The following LSAMP variants were observed in gnomAD, a reference collection of about 807,000 sequenced individuals.
LSAMP encodes limbic system associated membrane protein, also known as limbic system-associated membrane protein.
A neutral mutation model predicts 38.6 loss-of-function variants in LSAMP; 7 were observed. That is an observed-to-expected ratio of 0.18 (90% CI 0.10 to 0.34). The LOEUF (loss-of-function observed/expected upper bound fraction) is 0.34. Among genes scored for constraint, LSAMP ranks in the 10% least tolerant of loss-of-function variants. The pLI is 1.00. For synonymous variants in LSAMP, 154 were observed against 166.8 expected (o/e 0.92, Z 0.59); for missense variants, 313 against 420.0 (o/e 0.75, Z 2.23).
intron 1 of LSAMP, among the ~76,000 whole-genome samples, chr3:116,427,311 G>A (rs1156400334): frequency 6.6e-6 from 1 of 150,892 alleles, no homozygotes; most frequent in Non-Finnish European, 1.5e-5. Flanking sequence ...TAGTAGAGAC[G>A]GGGTTTCACC....
chr3:116,079,641 A>C (rs1707830141), intron 2 of LSAMP, among the ~76,000 whole-genome samples: 1 of 151,486 alleles, frequency 6.6e-6, no homozygotes, highest in Non-Finnish European at 1.5e-5. Context: ...CAAAAAAAAA[A>C]AAAAAAAAAA....
At chr3:116,416,672 A>G (rs1426303357) in intron 1 of LSAMP, among the ~76,000 whole-genome samples, 1 of 152,122 alleles carries the variant, frequency 6.6e-6, no homozygotes, top group Non-Finnish European at 1.5e-5. Flanking sequence ...ATATGAACCT[A>G]TGAACCCTTC....
At chr3:116,418,341 T>C (rs750009193) in intron 1 of LSAMP, among the ~76,000 whole-genome samples, 33 of 152,210 alleles carry the variant, frequency 2.2e-4, no homozygotes, top group Non-Finnish European at 3.8e-4. Context: ...ACCCAATTTG[T>C]CATCTTTCCC....
chr3:116,201,233 A>G (rs1403423970), intron 1 of LSAMP, among the ~76,000 whole-genome samples: 1 of 152,104 alleles, frequency 6.6e-6, no homozygotes, highest in Non-Finnish European at 1.5e-5. Context: ...GTTAATTGCC[A>G]TTCCTAGCAG....
At chr3:115,823,173 G>A (rs1380294534) in intron 6 of LSAMP, among the ~76,000 whole-genome samples, 1 of 152,198 alleles carries the variant, frequency 6.6e-6, no homozygotes, top group East Asian at 1.9e-4. Flanking sequence ...CTTGGAGAGA[G>A]AACATATGAG....
At chr3:115,928,306 G>A (rs1463885545) in intron 3 of LSAMP, among the ~76,000 whole-genome samples, 1 of 152,008 alleles carries the variant, frequency 6.6e-6, no homozygotes, top group Non-Finnish European at 1.5e-5. Context: ...TTATTCAAAA[G>A]GCTCTTATTT....
chr3:115,965,309 T>C (rs994672117), intron 3 of LSAMP, among the ~76,000 whole-genome samples: 1 of 152,026 alleles, frequency 6.6e-6, no homozygotes, highest in Non-Finnish European at 1.5e-5. Flanking sequence ...GCTGAGACTA[T>C]TAGTTTTTAA....
At chr3:116,217,728 T>G (rs1477149640) in intron 1 of LSAMP, among the ~76,000 whole-genome samples, 6 of 152,244 alleles carry the variant, frequency 3.9e-5, no homozygotes, top group African/African-American at 1.2e-4. Context: ...AACTGAGAAT[T>G]TGAAAAATTA....
intron 3 of LSAMP, among the ~76,000 whole-genome samples, chr3:115,983,251 C>T (rs999396771): frequency 2.0e-5 from 3 of 152,208 alleles, no homozygotes; most frequent in African/African-American, 4.8e-5. Flanking sequence ...CATGGTGGCT[C>T]ATGCCTGTAA....
At chr3:115,834,624 A>G in intron 6 of LSAMP, 1 of 1,185,104 alleles carries the variant, frequency 8.4e-7, no homozygotes, top group Non-Finnish European at 1.1e-6. Context: ...AGTAATCATC[A>G]TGGAGATTTT....
At chr3:116,060,674 C>T (rs147664816) in intron 2 of LSAMP, among the ~76,000 whole-genome samples, 7 of 152,072 alleles carry the variant, frequency 4.6e-5, no homozygotes, top group Admixed American at 1.3e-4. Context: ...GCAGGAGAAT[C>T]GCTTGAATCT....
intron 1 of LSAMP, among the ~76,000 whole-genome samples, chr3:116,332,309 CAA>C (rs1434705247): frequency 6.6e-6 from 1 of 151,916 alleles, no homozygotes; most frequent in Non-Finnish European, 1.5e-5. Flanking sequence ...TTTTGGGGCA[CAA>C]AATGTGTAAA....
chr3:116,431,885 T>A (rs1029061438), intron 1 of LSAMP, among the ~76,000 whole-genome samples: 1 of 152,020 alleles, frequency 6.6e-6, no homozygotes, highest in Non-Finnish European at 1.5e-5. Context: ...ATTATATTTT[T>A]AAAAAATACA....
intron 3 of LSAMP, among the ~76,000 whole-genome samples, chr3:116,018,647 C>T (rs551288972): frequency 9.2e-5 from 14 of 152,178 alleles, no homozygotes; most frequent in African/African-American, 2.9e-4. Context: ...TGTTATTTGA[C>T]AAGACATGGT....
intron 1 of LSAMP, among the ~76,000 whole-genome samples, chr3:116,366,035 A>AAAAAAG (rs1273569949): frequency 6.9e-6 from 1 of 144,720 alleles, no homozygotes; most frequent in Non-Finnish European, 1.5e-5. Context: ...AAAAAAAAAA[A>AAAAAAG]AAAAGAACTT....
At chr3:115,901,581 A>G (rs964358442) in intron 3 of LSAMP, among the ~76,000 whole-genome samples, 3 of 152,148 alleles carry the variant, frequency 2.0e-5, no homozygotes, top group African/African-American at 7.2e-5. Context: ...TGTATTTCCT[A>G]TCTCAACGTA....
Position 116,320,712 on chromosome 3 carries a change from C to T in LSAMP, c.155+124165G>A, listed in dbSNP as rs549648021. Among the ~76,000 whole-genome samples the T allele has an allele frequency of 1.6e-4, 25 of 152,278 alleles. 1 individual carries two copies. The highest frequency in any genetic ancestry group is 5.8e-4 in the African/African-American group (24 of 41,548). Reference sequence around the variant, plus strand: ...GTCCTCTCGACATATTTAAGGATGACTTAATTTTTCTCTCCCTCTCACCAT... The same window carrying T: ...GTCCTCTCGACATATTTAAGGATGATTTAATTTTTCTCTCCCTCTCACCAT... On this transcript the variant is annotated intron_variant, in intron 1 of 6. Coordinates refer to ENST00000490035, the MANE Select transcript of LSAMP (RefSeq NM_002338.5).
intron 1 of LSAMP, among the ~76,000 whole-genome samples, chr3:116,281,542 G>A (rs2047126508): frequency 6.6e-6 from 1 of 152,172 alleles, no homozygotes; most frequent in African/African-American, 2.4e-5. Flanking sequence ...AAATAAACAT[G>A]ATGACACCAC....
intron 1 of LSAMP, among the ~76,000 whole-genome samples, chr3:116,398,192 T>C (rs1226573566): frequency 6.6e-6 from 1 of 152,008 alleles, no homozygotes; most frequent in Non-Finnish European, 1.5e-5. Context: ...ATTTCTAATA[T>C]TACTATACAG....
Sources: gnomAD v4.1 joint callset for allele counts (sites outside exome capture counted in the v4.1 genomes callset) on GRCh38, gnomAD v4.1.1 for gene constraint, MANE v1.5 for transcripts, NCBI Gene and HGNC (gene_info 2026-07-23, HGNC 2026-07-21) for gene names.